Variants in VPS13A observed in about 807,000 individuals in gnomAD.
The protein encoded by VPS13A is intermembrane lipid transfer protein VPS13A.
A neutral mutation model predicts 390.9 loss-of-function variants in VPS13A; 264 were observed. The observed-to-expected ratio is 0.68, with a 90% CI of 0.61 to 0.75. The LOEUF is 0.75. Among genes scored for constraint, VPS13A ranks in the 30% least tolerant of loss-of-function variants. The pLI is 0.00. For missense variants in VPS13A, 3,409 were observed against 3,733.9 expected (o/e 0.91, Z 2.27); for synonymous variants, 1,231 against 1,227.1 (o/e 1.00, Z -0.07).
chr9:77,357,801 A>G lies in VPS13A; in HGVS notation c.7916A>G (p.His2639Arg). 6.2e-7 allele frequency: 1 copy of G among 1,613,826 alleles called. No homozygotes were observed. The highest frequency in any genetic ancestry group is 1.3e-5 in the African/African-American group (1 of 74,990). ...ALKVEYNTSA[H>R]QSSFRIQIYR... ...AAAGTGGAATATAACACATCTGCAC[A>G]TCAATCATCATTTAGAATTCAGATT... The change falls in exon 56 of 72, where the codon CAT becomes CGT. Residue 2639 changes from histidine to arginine, a missense_variant. Physicochemically the swap from His to Arg is conservative, Grantham distance 29 (BLOSUM62 0). Around this residue, in one of 5 missense-constraint regions of VPS13A, gnomAD observed 221 missense variants for 300.7 expected, o/e 0.73. Coordinates refer to ENST00000360280, the MANE Select transcript of VPS13A (RefSeq NM_033305.3).
chr9:77,373,412 C>T (rs1457210985), intron 67 of VPS13A, among the ~76,000 whole-genome samples: 1 of 130,460 alleles, frequency 7.7e-6, no homozygotes, highest in Non-Finnish European at 1.7e-5. Flanking sequence ...ATAAATGGTG[C>T]TGGGAAAACT....
chr9:77,205,586 ATTTAT>A (rs1780086371), intron 4 of VPS13A, among the ~76,000 whole-genome samples, 178 bp downstream of exon 4: 1 of 151,538 alleles, frequency 6.6e-6, no homozygotes, highest in African/African-American at 2.4e-5. Flanking sequence ...ATTATTTATT[ATTTAT>A]TTATTATTAT....
At chr9:77,244,528 G>T (rs1824697734) in intron 19 of VPS13A, among the ~76,000 whole-genome samples, 2 of 152,148 alleles carry the variant, frequency 1.3e-5, no homozygotes, top group Non-Finnish European at 2.9e-5. Flanking sequence ...GGTTCTAGGG[G>T]CAGAATACTG....
chr9:77,251,013 A>G (rs1015018142), intron 21 of VPS13A, among the ~76,000 whole-genome samples: 3 of 152,224 alleles, frequency 2.0e-5, no homozygotes, highest in African/African-American at 7.2e-5. Context: ...GATTTTAATT[A>G]CCTGAGCTAA....
At position 77,208,380 on chromosome 9, in the gene VPS13A, A is replaced by T. The variant is rs1318922893; in HGVS notation, c.386-1043A>T. Reference sequence around the variant, plus strand: ...CAATTAGAGGAAAAGATAGATTTATATGTATTATTTCTATATAGGAGTAGA... The same window carrying T: ...CAATTAGAGGAAAAGATAGATTTATTTGTATTATTTCTATATAGGAGTAGA... On this transcript the variant is annotated intron_variant, in intron 5 of 71. Coordinates refer to ENST00000360280, the MANE Select transcript of VPS13A (RefSeq NM_033305.3). 3.3e-5 allele frequency among the ~76,000 whole-genome samples: 5 copies of T among 152,178 alleles called. No homozygotes were observed. In the East Asian group the frequency reaches 9.6e-4, roughly 29 times the overall value.
At chr9:77,394,671 CT>C (rs1834052371) in intron 68 of VPS13A, among the ~76,000 whole-genome samples, 1 of 152,244 alleles carries the variant, frequency 6.6e-6, no homozygotes, top group Admixed American at 6.5e-5. Flanking sequence ...CAATAGAAGT[CT>C]ATCTCATCTA....
At chr9:77,386,642 G>A (rs7860800) in intron 68 of VPS13A, among the ~76,000 whole-genome samples, 2 of 151,560 alleles carry the variant, frequency 1.3e-5, no homozygotes, top group Non-Finnish European at 2.9e-5. Context: ...TGCTTGTGTG[G>A]TCTTAGAGTT....
intron 40 of VPS13A, among the ~76,000 whole-genome samples, 199 bp downstream of exon 40, chr9:77,317,897 C>A (rs1366334983): frequency 6.6e-6 from 1 of 151,642 alleles, no homozygotes; most frequent in Non-Finnish European, 1.5e-5. Context: ...TTATTATTTA[C>A]ATTTGTGTGG....
chr9:77,178,081 T>A, intron 1 of VPS13A: 2 of 385,878 alleles, frequency 5.2e-6, no homozygotes, highest in South Asian at 2.2e-5. Context: ...GTGGGCTCCG[T>A]GGGTCTGGCG....
intron 67 of VPS13A, among the ~76,000 whole-genome samples, chr9:77,381,756 GATT>G (rs949246174): frequency 1.3e-5 from 2 of 151,972 alleles, no homozygotes; most frequent in Non-Finnish European, 2.9e-5. Context: ...CTAATATTGT[GATT>G]ATTATCACAA....
intron 31 of VPS13A, among the ~76,000 whole-genome samples, chr9:77,290,361 TGTG>T (rs1191544109): frequency 6.6e-6 from 1 of 152,214 alleles, no homozygotes; most frequent in Non-Finnish European, 1.5e-5. Context: ...TTATATATGG[TGTG>T]ACTAGATGAG....
At chr9:77,177,825 G>A in intron 1 of VPS13A, 21 bp downstream of exon 1, 1 of 1,593,246 alleles carries the variant, frequency 6.3e-7, no homozygotes, top group Non-Finnish European at 8.6e-7. Context: ...CGCCGCCGCC[G>A]CTCCCCGGCC....
chr9:77,338,975 A>G (rs1310108285), intron 47 of VPS13A: 1 of 163,284 alleles, frequency 6.1e-6, no homozygotes, highest in African/African-American at 2.4e-5. Flanking sequence ...TCATATAGTG[A>G]CATGAACTAA....
intron 68 of VPS13A, chr9:77,395,653 G>A (rs575346446): frequency 6.6e-6 from 1 of 152,026 alleles, no homozygotes; most frequent in East Asian, 1.9e-4. Context: ...AATTAGATAT[G>A]CCTGTAATTA....
intron 13 of VPS13A, among the ~76,000 whole-genome samples, chr9:77,221,950 A>T (rs1823244756): frequency 6.6e-6 from 1 of 152,098 alleles, no homozygotes; most frequent in Admixed American, 6.6e-5. Context: ...AGTCTCTACC[A>T]GTAGTTTTAC....
intron 67 of VPS13A, among the ~76,000 whole-genome samples, chr9:77,373,157 A>T: frequency 6.6e-6 from 1 of 151,618 alleles, no homozygotes; most frequent in Non-Finnish European, 1.5e-5. Flanking sequence ...TATGGAACCA[A>T]AAAAGAGCCC....
chr9:77,392,394 G>A (rs1833931872), intron 68 of VPS13A, among the ~76,000 whole-genome samples: 1 of 152,162 alleles, frequency 6.6e-6, no homozygotes, highest in African/African-American at 2.4e-5. Flanking sequence ...GGACTCTGGA[G>A]CCAAGTAAAC....
At chr9:77,322,997 A>T (rs1829829332) in intron 44 of VPS13A, 70 bp from the exon 45 acceptor site, 1 of 1,215,778 alleles carries the variant, frequency 8.2e-7, no homozygotes, top group Non-Finnish European at 1.2e-6. Flanking sequence ...AATTTCTAAT[A>T]TGTAACATAT....
intron 19 of VPS13A, among the ~76,000 whole-genome samples, chr9:77,240,677 C>T (rs1289675212): frequency 6.8e-6 from 1 of 146,938 alleles, no homozygotes; most frequent in East Asian, 2.1e-4. Context: ...GGGGTTTCAC[C>T]ATGTTGGCCA....
Sources: gnomAD v4.1 joint callset for allele counts (sites outside exome capture counted in the v4.1 genomes callset) on GRCh38, gnomAD v4.1.1 for gene constraint, gnomAD v4.1.1 regional missense constraint, MANE v1.5 for transcripts, NCBI Gene and HGNC (gene_info 2026-07-23, HGNC 2026-07-21) for gene names.